OXCT1: variants seen among roughly 807,000 people sequenced by gnomAD.
OXCT1 encodes the protein 3-oxoacid CoA-transferase 1, also known as succinyl-CoA:3-ketoacid coenzyme A transferase 1, mitochondrial.
Under a neutral mutation model 69.6 loss-of-function variants are expected in OXCT1, and 27 were observed. The observed-to-expected ratio is 0.39, with a 90% CI of 0.29 to 0.54. OXCT1 has a LOEUF of 0.54. OXCT1 is among the 20% of genes least tolerant of loss of function. OXCT1 has a pLI of 0.72. For missense variants in OXCT1, 437 were observed against 650.2 expected, an observed-to-expected ratio of 0.67 and a Z score of 3.57; for synonymous variants, 202 against 217.8, an observed-to-expected ratio of 0.93 and a Z score of 0.64.
At chr5:41,795,327 T>C (rs1746127588) in intron 11 of OXCT1, among the ~76,000 whole-genome samples, 1 of 152,130 alleles carries the variant, frequency 6.6e-6, no homozygotes, top group African/African-American at 2.4e-5. Context: ...CCGGTACTGG[T>C]CCACAGCCCA....
intron 11 of OXCT1, among the ~76,000 whole-genome samples, 190 bp downstream of exon 11, chr5:41,800,832 T>C (rs2112256114): frequency 6.6e-6 from 1 of 152,194 alleles, no homozygotes; most frequent in Middle Eastern, 3.4e-3. Flanking sequence ...TAAATGTGCC[T>C]TCATCTGCAT....
At chr5:41,763,468 G>A (rs1469766770) in intron 13 of OXCT1, among the ~76,000 whole-genome samples, 1 of 152,024 alleles carries the variant, frequency 6.6e-6, no homozygotes, top group Non-Finnish European at 1.5e-5. Flanking sequence ...CTAATAAACT[G>A]GGGCCAATTT....
At chr5:41,798,494 G>A (rs1746281503) in intron 11 of OXCT1, among the ~76,000 whole-genome samples, 1 of 152,044 alleles carries the variant, frequency 6.6e-6, no homozygotes, top group African/African-American at 2.4e-5. Flanking sequence ...CCCCAGGTGT[G>A]ACAATCAAAA....
At position 41,749,050 on chromosome 5, in the gene OXCT1, A is replaced by G. The variant is rs567766129; in HGVS notation, c.1419+477T>C. On this transcript the variant is annotated intron_variant, in intron 15 of 16. Transcript: ENST00000196371. ...TGTGTTTTGAAACCCTACTCTATAA[A>G]AGAGAGCAGAAAGCATGCAAGAAAC... Among the ~76,000 whole-genome samples the G allele has an allele frequency of 2.0e-5, 3 of 152,116 alleles. No individual in the cohort carries two copies. The East Asian group carries it at 5.8e-4, about 29-fold the overall frequency.
At chr5:41,741,966 C>G (rs1743191156) in intron 15 of OXCT1, among the ~76,000 whole-genome samples, 1 of 152,064 alleles carries the variant, frequency 6.6e-6, no homozygotes, top group African/African-American at 2.4e-5. Context: ...GAGCACTATT[C>G]ATATGATTTG....
chr5:41,741,413 C>A (rs771537797), intron 15 of OXCT1, among the ~76,000 whole-genome samples: 5 of 152,142 alleles, frequency 3.3e-5, no homozygotes, highest in Non-Finnish European at 7.3e-5. Flanking sequence ...TGTTATGCAA[C>A]CTTTAGTGAA....
chr5:41,806,586 C>T (rs925322206), intron 8 of OXCT1, among the ~76,000 whole-genome samples: 7 of 152,194 alleles, frequency 4.6e-5, no homozygotes, highest in South Asian at 2.1e-4. Context: ...CGTTTACACA[C>T]GAGCTGGTTG....
At chr5:41,785,492 A>G (rs186589172) in intron 13 of OXCT1, among the ~76,000 whole-genome samples, 37 of 152,350 alleles carry the variant, frequency 2.4e-4, no homozygotes, top group East Asian at 2.3e-3. Context: ...GACTGTTTAG[A>G]GCAAAAATAA....
chr5:41,831,591 A>G (rs1748099538), intron 7 of OXCT1, among the ~76,000 whole-genome samples: 2 of 152,194 alleles, frequency 1.3e-5, no homozygotes, highest in Admixed American at 1.3e-4. Context: ...ACCTATAAAA[A>G]TACCTAGTAC....
chr5:41,819,431 C>T (rs1747426977), intron 7 of OXCT1, among the ~76,000 whole-genome samples: 1 of 152,060 alleles, frequency 6.6e-6, no homozygotes, highest in African/African-American at 2.4e-5. Flanking sequence ...AGTGCAGCAG[C>T]AGGATCTCAG....
At chr5:41,812,408 G>T (rs1208964314) in intron 7 of OXCT1, among the ~76,000 whole-genome samples, 2 of 152,020 alleles carry the variant, frequency 1.3e-5, no homozygotes, top group Non-Finnish European at 2.9e-5. Context: ...TATTGATGAG[G>T]AAGAGAATTG....
Position 41,862,760 on chromosome 5 carries a change from T to TAAA in OXCT1, c.79-13_79-11dup. The TAAA allele has an allele frequency of 4.8e-6, 6 of 1,258,908 alleles. No individual in the cohort carries two copies. Among genetic ancestry groups the TAAA allele is most frequent in the African/African-American group, 1.5e-5 (1 of 65,418 alleles). The allele number at this position is 1,258,908 out of a possible 1,614,324, so 78.0% of individuals were successfully genotyped here. A position where few individuals can be genotyped will look rare whatever the true frequency, so the allele number is the denominator to read the frequency against. On this transcript the variant is annotated splice_polypyrimidine_tract_variant and intron_variant, in intron 1 of 16. Transcript: ENST00000196371. ...AGGAACAAACACATCCCTGAAATATTAAAAAAAAAAAATTGATAATCATTT... is the reference window on the plus strand; with the variant it reads ...AGGAACAAACACATCCCTGAAATATTAAAAAAAAAAAAAAATTGATAATCATTT...
In OXCT1 at chr5:41,777,561, T is replaced by A. The variant is rs535424895; in HGVS notation, c.1249-15361A>T. On this transcript the variant is annotated intron_variant, in intron 13 of 16. Coordinates refer to ENST00000196371, the MANE Select transcript of OXCT1 (RefSeq NM_000436.4). The stretch of plus-strand genomic sequence containing the variant: ...AAAAGATGCTTCCTATTTTAAAATG[T>A]CCATTATGTTGAACTTATTGCACTA... Among the ~76,000 whole-genome samples the A allele has an allele frequency of 5.3e-5, 8 of 152,340 alleles. No homozygotes were observed. In the East Asian group the frequency reaches 1.5e-3, roughly 29 times the overall value.
chr5:41,813,673 T>A (rs934449990), intron 7 of OXCT1, among the ~76,000 whole-genome samples: 1 of 151,844 alleles, frequency 6.6e-6, no homozygotes, highest in Non-Finnish European at 1.5e-5. Context: ...CTGACGCTCA[T>A]GCCTCCAAGT....
Position 41,842,739 on chromosome 5 carries a change from T to C in OXCT1, c.607A>G (p.Ile203Val), listed in dbSNP as rs1341220767. ...TTCACCAAAGCAAAATCCCCTGTAA[T>C]TGCTTCCTCCAAAATAAAGTGCTGA... The part of the protein sequence containing the change: ...NGQHFILEEA[I>V]TGDFALVKAW... Residue 203 changes from isoleucine (I) to valine (V), a missense_variant, in exon 6 of 17, where the codon ATT (isoleucine) becomes GTT (valine). Ile to Val is a conservative substitution (Grantham distance 29, BLOSUM62 3). This residue lies in a region of OXCT1 where 252 missense variants were observed against 397.4 expected (regional missense o/e 0.63). Coordinates refer to ENST00000196371, the MANE Select transcript of OXCT1 (RefSeq NM_000436.4). 3 of 1,613,836 alleles carry C rather than the reference T, an allele frequency of 1.9e-6. No individual in the cohort carries two copies. Among genetic ancestry groups the C allele is most frequent in the Non-Finnish European group, 2.5e-6 (3 of 1,179,764 alleles).
At chr5:41,764,837 G>C (rs960466351) in intron 13 of OXCT1, among the ~76,000 whole-genome samples, 1 of 152,136 alleles carries the variant, frequency 6.6e-6, no homozygotes, top group Non-Finnish European at 1.5e-5. Context: ...CAAATGAGGG[G>C]ATTCACACAA....
intron 7 of OXCT1, among the ~76,000 whole-genome samples, chr5:41,829,347 G>C (rs909060698): frequency 3.9e-5 from 6 of 152,084 alleles, no homozygotes; most frequent in African/African-American, 2.4e-5. Flanking sequence ...GCCAAAAATA[G>C]CTAGGATAAA....
intron 7 of OXCT1, among the ~76,000 whole-genome samples, chr5:41,811,464 G>A (rs746545197): frequency 5.9e-5 from 9 of 151,920 alleles, no homozygotes; most frequent in Non-Finnish European, 1.2e-4. Context: ...TTTTAAACAA[G>A]AGGCAATGTA....
In OXCT1 at chr5:41,845,172, C is replaced by T. The variant is rs11739106; in HGVS notation, c.565-2391G>A. On this transcript the variant is annotated intron_variant, in intron 5 of 16. Transcript: ENST00000196371. The stretch of plus-strand genomic sequence containing the variant: ...TCACCACCCTCCTGTTCCCCAAACA[C>T]GGCAAGCCTGTAGCTGCCTCAGCAC... 3.3e-5 allele frequency among the ~76,000 whole-genome samples: 5 copies of T among 152,062 alleles called. 1 individual carries two copies. Among genetic ancestry groups the T allele is most frequent in the African/African-American group, 7.3e-5 (3 of 41,378 alleles).
Sources: gnomAD v4.1 joint callset for allele counts (sites outside exome capture counted in the v4.1 genomes callset) on GRCh38, gnomAD v4.1.1 for gene constraint, gnomAD v4.1.1 regional missense constraint, MANE v1.5 for transcripts, NCBI Gene and HGNC (gene_info 2026-07-23, HGNC 2026-07-21) for gene names.